Variants in SIK3 observed in about 807,000 individuals in gnomAD.
SIK3 encodes the protein serine/threonine-protein kinase SIK3.
SIK3 carries 28 observed loss-of-function variants against 144.2 expected under a neutral mutation model. The observed-to-expected ratio is 0.19, with a 90% CI of 0.14 to 0.27. The LOEUF (loss-of-function observed/expected upper bound fraction) is 0.27, where lower values mean the gene tolerates loss of function less well. SIK3 is among the 10% of genes least tolerant of loss of function. SIK3 has a pLI of 1.00. For synonymous variants in SIK3, 686 were observed against 676.3 expected (o/e 1.01, Z -0.22); for missense variants, 1,319 against 1,776.0 (o/e 0.74, Z 4.62).
chr11:116,923,466 T>C (rs902355865), intron 4 of SIK3, among the ~76,000 whole-genome samples: 12 of 152,200 alleles, frequency 7.9e-5, no homozygotes, highest in Non-Finnish European at 1.3e-4. Flanking sequence ...TGGCTTCAAC[T>C]AGAAGCATTT....
At chr11:116,943,352 C>T (rs1404807308) in intron 3 of SIK3, among the ~76,000 whole-genome samples, 2 of 152,132 alleles carry the variant, frequency 1.3e-5, no homozygotes, top group African/African-American at 2.4e-5. Context: ...GGCAGCAGGG[C>T]TTTTACATCG....
chr11:116,962,852 G>C (rs1046867818), intron 1 of SIK3, among the ~76,000 whole-genome samples: 2 of 151,934 alleles, frequency 1.3e-5, no homozygotes, highest in South Asian at 2.1e-4. Context: ...AGATATATTA[G>C]GCTAAACAAA....
intron 1 of SIK3, among the ~76,000 whole-genome samples, chr11:117,048,321 A>ATTT (rs1232071836): frequency 1.3e-5 from 2 of 152,228 alleles, no homozygotes; most frequent in East Asian, 3.8e-4. Context: ...TACCTTTAAA[A>ATTT]AGTTAATGAA....
intron 1 of SIK3, among the ~76,000 whole-genome samples, chr11:117,054,316 T>G (rs974370867): frequency 1.3e-5 from 2 of 152,068 alleles, no homozygotes; most frequent in African/African-American, 4.8e-5. Flanking sequence ...GGTATGAGAT[T>G]TAGAGTACAG....
chr11:117,046,758 T>C (rs1952983111), intron 1 of SIK3, among the ~76,000 whole-genome samples: 1 of 152,064 alleles, frequency 6.6e-6, no homozygotes, highest in African/African-American at 2.4e-5. Context: ...TACTCGCCTG[T>C]AGTCCCAGCT....
chr11:117,031,915 A>T (rs73594172), intron 1 of SIK3, among the ~76,000 whole-genome samples: 8,570 of 152,092 alleles, frequency 0.056, 520 homozygotes, highest in African/African-American at 0.15. Flanking sequence ...TTGTGAATAT[A>T]ATAAAAAACC....
At chr11:117,075,046 C>A (rs59511712) in intron 1 of SIK3, among the ~76,000 whole-genome samples, 4 of 151,740 alleles carry the variant, frequency 2.6e-5, no homozygotes, top group African/African-American at 4.8e-5. Context: ...AAGTAAGATG[C>A]AGACTATTGT....
At chr11:117,042,645 TCA>T (rs1260396880) in intron 1 of SIK3, among the ~76,000 whole-genome samples, 2 of 152,236 alleles carry the variant, frequency 1.3e-5, no homozygotes, top group Non-Finnish European at 2.9e-5. Flanking sequence ...CTGTGGTTTC[TCA>T]GTTAGATTTC....
intron 1 of SIK3, among the ~76,000 whole-genome samples, chr11:117,020,645 T>C (rs1951730021): frequency 6.6e-6 from 1 of 152,032 alleles, no homozygotes; most frequent in Non-Finnish European, 1.5e-5. Flanking sequence ...CATAAAAACC[T>C]AAAAGGGGGC....
At chr11:116,944,003 T>C (rs1267855532) in intron 3 of SIK3, among the ~76,000 whole-genome samples, 2 of 152,024 alleles carry the variant, frequency 1.3e-5, no homozygotes, top group South Asian at 2.1e-4. Flanking sequence ...ATAAAAATAA[T>C]AGCAATGAGA....
At chr11:117,077,617 A>G (rs1015095119) in intron 1 of SIK3, among the ~76,000 whole-genome samples, 26 of 152,224 alleles carry the variant, frequency 1.7e-4, no homozygotes, top group African/African-American at 6.0e-4. Flanking sequence ...AAGGGTAACA[A>G]ATCAACAAGA....
chr11:116,885,220 G>A (rs952750631), intron 6 of SIK3, among the ~76,000 whole-genome samples: 7 of 152,154 alleles, frequency 4.6e-5, no homozygotes, highest in African/African-American at 1.4e-4. Context: ...GCAAAGAGAT[G>A]GAGCCCATAA....
At chr11:117,024,869 T>C (rs1045855922) in intron 1 of SIK3, among the ~76,000 whole-genome samples, 9 of 151,822 alleles carry the variant, frequency 5.9e-5, no homozygotes, top group South Asian at 2.1e-4. Flanking sequence ...GCCACTGCAC[T>C]CTAGCCTGAG....
At chr11:117,037,152 T>C (rs929570895) in intron 1 of SIK3, among the ~76,000 whole-genome samples, 5 of 152,184 alleles carry the variant, frequency 3.3e-5, no homozygotes, top group African/African-American at 1.2e-4. Flanking sequence ...TTATCCAGAA[T>C]CTTGGTTGTG....
At chr11:116,878,770 C>T (rs1012625798) in intron 6 of SIK3, among the ~76,000 whole-genome samples, 1 of 152,164 alleles carries the variant, frequency 6.6e-6, no homozygotes, top group East Asian at 1.9e-4. Context: ...ATGGCCTTTA[C>T]ATGTGTTTTT....
At chr11:116,853,470 A>T (rs749143715) in intron 21 of SIK3, among the ~76,000 whole-genome samples, 26 of 152,230 alleles carry the variant, frequency 1.7e-4, no homozygotes, top group Admixed American at 7.9e-4. Context: ...CGATCACACA[A>T]GGGGAAAAGT....
At chr11:116,978,157 G>T (rs1267670246) in intron 1 of SIK3, among the ~76,000 whole-genome samples, 1 of 151,992 alleles carries the variant, frequency 6.6e-6, no homozygotes, top group Non-Finnish European at 1.5e-5. Context: ...GGCGGAGGTT[G>T]TGGTGAGCCG....
chr11:116,896,616 T>A (rs754148176), intron 5 of SIK3, among the ~76,000 whole-genome samples: 4 of 152,178 alleles, frequency 2.6e-5, no homozygotes, highest in African/African-American at 9.7e-5. Flanking sequence ...GTAGAAATAA[T>A]CTCTCTTCTT....
chr11:116,979,035 C>A (rs187780472), intron 1 of SIK3, among the ~76,000 whole-genome samples: 1 of 152,080 alleles, frequency 6.6e-6, no homozygotes, highest in Non-Finnish European at 1.5e-5. Context: ...TTAAGCCATG[C>A]GCACAAGAAT....
Sources: gnomAD v4.1 joint callset for allele counts (sites outside exome capture counted in the v4.1 genomes callset) on GRCh38, gnomAD v4.1.1 for gene constraint, MANE v1.5 for transcripts, NCBI Gene and HGNC (gene_info 2026-07-23, HGNC 2026-07-21) for gene names.